ILDR1: variants seen among roughly 807,000 people sequenced by gnomAD.
The protein encoded by ILDR1 is immunoglobulin-like domain-containing receptor 1.
In ILDR1, 56 loss-of-function variants were observed where a neutral mutation model predicts 62.4. The observed-to-expected ratio is 0.90, with a 90% CI of 0.72 to 1.12. The LOEUF (loss-of-function observed/expected upper bound fraction) is 1.12, where lower values mean the gene tolerates loss of function less well. Ranked by LOEUF, ILDR1 falls within the 50% of genes most tolerant of loss-of-function variation. ILDR1 has a pLI of 0.00. For synonymous variants in ILDR1, 284 were observed against 277.8 expected (o/e 1.02, Z -0.22); for missense variants, 736 against 710.6 (o/e 1.04, Z -0.41).
chr3:122,022,056 C>A lies in ILDR1; in HGVS notation c.22G>T (p.Ala8Ser), dbSNP rs1280589519. MAWPKLP[A>S]PWLLLCTWLP... Reference sequence around the variant, plus strand: ...CAGGTGCAGAGCAGCAGCCAAGGTGCGGGCAGTTTGGGCCATGCCATGCCG... The same window carrying A: ...CAGGTGCAGAGCAGCAGCCAAGGTGAGGGCAGTTTGGGCCATGCCATGCCG... The change falls in exon 1 of 8, where the codon GCA (alanine) becomes TCA (serine). Residue 8 changes from alanine to serine, a missense_variant. Coordinates refer to ENST00000344209, the MANE Select transcript of ILDR1 (RefSeq NM_001199799.2). 2 of 1,611,040 alleles carry A rather than the reference C, an allele frequency of 1.2e-6. No homozygotes were observed. Among genetic ancestry groups the A allele is most frequent in the Admixed American group, 1.7e-5 (1 of 59,760 alleles).
intron 1 of ILDR1, 29 bp downstream of exon 1, chr3:122,021,991 A>T (rs373313731): frequency 6.3e-7 from 1 of 1,599,512 alleles, no homozygotes; most frequent in Non-Finnish European, 8.5e-7. Flanking sequence ...CCTTGGGTCC[A>T]GGGTGGGTAC....
At chr3:122,046,651 C>T in the ILDR1 span, among the ~76,000 whole-genome samples, 4,984 of 150,940 alleles carry the variant, frequency 0.033, 288 homozygotes, top group African/African-American at 0.12. Context: ...CTTTCCTTCT[C>T]GCTTCATTTC....
At chr3:121,989,156 ATG>A (rs1222135851) in intron 7 of ILDR1, among the ~76,000 whole-genome samples, 6 of 152,200 alleles carry the variant, frequency 3.9e-5, no homozygotes, top group Non-Finnish European at 8.8e-5. Context: ...GGGATCACAT[ATG>A]TATGTACATT....
At chr3:122,045,594 G>T in the ILDR1 span, among the ~76,000 whole-genome samples, 1 of 149,702 alleles carries the variant, frequency 6.7e-6, no homozygotes, top group East Asian at 2.0e-4. Flanking sequence ...TTATGAATCT[G>T]GGTGCTCCTG....
the ILDR1 span, among the ~76,000 whole-genome samples, chr3:122,057,425 T>C: frequency 6.6e-6 from 1 of 152,198 alleles, no homozygotes; most frequent in Non-Finnish European, 1.5e-5. Context: ...AAAATTCCAC[T>C]GTAGAACAAT....
chr3:122,048,454 GT>G, the ILDR1 span, among the ~76,000 whole-genome samples: 4 of 152,188 alleles, frequency 2.6e-5, no homozygotes, highest in African/African-American at 9.7e-5. Context: ...GAGTTTGGAA[GT>G]GTTCTATCCT....
At chr3:122,023,033 AG>A (rs1439187916), upstream of ILDR1, among the ~76,000 whole-genome samples, 3 of 151,042 alleles carry the variant, frequency 2.0e-5, no homozygotes, top group Non-Finnish European at 4.4e-5. Flanking sequence ...AAAATATTAT[AG>A]AAAAATAAAA....
intron 5 of ILDR1, among the ~76,000 whole-genome samples, chr3:121,999,853 T>C (rs1252918334): frequency 2.6e-5 from 4 of 152,194 alleles, no homozygotes; most frequent in Non-Finnish European, 5.9e-5. Flanking sequence ...TAGTTTATCT[T>C]CCCAGGTACA....
intron 7 of ILDR1, among the ~76,000 whole-genome samples, chr3:121,991,318 A>T (rs1195123895): frequency 6.6e-6 from 1 of 152,266 alleles, no homozygotes; most frequent in East Asian, 1.9e-4. Flanking sequence ...TAACTTACAG[A>T]AAATGAAAAG....
At chr3:122,059,249 C>T in the ILDR1 span, among the ~76,000 whole-genome samples, 1 of 152,006 alleles carries the variant, frequency 6.6e-6, no homozygotes, top group Admixed American at 6.6e-5. Flanking sequence ...AATTCAGTAG[C>T]AGAGAGGTTG....
chr3:122,036,863 T>A, the ILDR1 span, among the ~76,000 whole-genome samples: 3 of 152,144 alleles, frequency 2.0e-5, no homozygotes, highest in African/African-American at 7.2e-5. Context: ...GCCCAACTCC[T>A]CTGTGCAGCC....
chr3:122,027,139 T>G (rs1161220442), upstream of ILDR1, among the ~76,000 whole-genome samples: 2 of 152,224 alleles, frequency 1.3e-5, no homozygotes, highest in African/African-American at 4.8e-5. Context: ...TTTTCTTTTT[T>G]TGTTACTGTT....
the ILDR1 span, among the ~76,000 whole-genome samples, chr3:122,060,928 T>G: frequency 6.6e-6 from 1 of 151,892 alleles, no homozygotes. Flanking sequence ...ATAAACAGAA[T>G]GGGAAAAAAA....
chr3:121,999,957 A>T (rs752447754), intron 5 of ILDR1, among the ~76,000 whole-genome samples: 5 of 152,156 alleles, frequency 3.3e-5, no homozygotes, highest in Non-Finnish European at 5.9e-5. Flanking sequence ...GCACTAACTA[A>T]AGTTTCACAA....
chr3:122,012,286 C>A (rs1437943481), intron 1 of ILDR1, among the ~76,000 whole-genome samples: 1 of 152,178 alleles, frequency 6.6e-6, no homozygotes. Flanking sequence ...TGCAACTTTG[C>A]TCTTTCAGGC....
chr3:122,039,727 A>AAG, the ILDR1 span, among the ~76,000 whole-genome samples: 3 of 152,204 alleles, frequency 2.0e-5, no homozygotes, highest in East Asian at 5.8e-4. Context: ...TTGAAAACAG[A>AAG]ATAAATGAGG....
At chr3:121,997,337 T>A (rs1293223219) in intron 5 of ILDR1, among the ~76,000 whole-genome samples, 2 of 152,252 alleles carry the variant, frequency 1.3e-5, no homozygotes, top group South Asian at 2.1e-4. Context: ...TTTGAACTCT[T>A]GTCATTTTAG....
Position 122,008,564 on chromosome 3 carries a change from A to ATTTCT in ILDR1, c.59-1408_59-1404dup, listed in dbSNP as rs1220519103. On this transcript the variant is annotated intron_variant, in intron 1 of 7. Transcript: ENST00000344209. The stretch of plus-strand genomic sequence containing the variant: ...TGAGGCCCAGAGACACGCATTTTTT[A>ATTTCT]TTTCTTTTCTTTTCTTTTCTTTTCT... Among the ~76,000 whole-genome samples the ATTTCT allele has an allele frequency of 7.4e-3, 919 of 124,786 alleles. 7 individuals carry two copies. Among genetic ancestry groups the ATTTCT allele is most frequent in the East Asian group, 0.038 (163 of 4,346 alleles). The allele number at this position is 124,786 out of a possible 152,430, so 81.9% of individuals were successfully genotyped here. A position where few individuals can be genotyped will look rare whatever the true frequency, so the allele number is the denominator to read the frequency against.
At chr3:122,014,308 T>C (rs916553294) in intron 1 of ILDR1, among the ~76,000 whole-genome samples, 1 of 152,236 alleles carries the variant, frequency 6.6e-6, no homozygotes, top group Non-Finnish European at 1.5e-5. Context: ...CTGTTGACAA[T>C]TTGGTCTACA....
Sources: allele counts gnomAD v4.1 joint callset (sites outside exome capture counted in the v4.1 genomes callset), GRCh38; gene constraint gnomAD v4.1.1; transcripts MANE v1.5; gene names NCBI Gene and HGNC (gene_info 2026-07-23, HGNC 2026-07-21).